Variants in PDE7A observed in about 807,000 individuals in gnomAD.
PDE7A encodes the protein phosphodiesterase 7A.
PDE7A carries 39 observed loss-of-function variants against 64.3 expected under a neutral mutation model. The observed-to-expected ratio is 0.61, with a 90% CI of 0.47 to 0.79. The LOEUF is 0.79. PDE7A is among the 30% of genes least tolerant of loss of function. PDE7A has a pLI of 0.00. For missense variants in PDE7A, 470 were observed against 582.8 expected, an observed-to-expected ratio of 0.81 and a Z score of 1.99; for synonymous variants, 203 against 206.8, an observed-to-expected ratio of 0.98 and a Z score of 0.16.
chr8:65,841,535 G>T lies in PDE7A; in HGVS notation c.-27C>A. ...GAATACGCCCGCCCTGCCTCCGCGC[G>T]GCGCCCGCCCTGCCGCGGCCGCCGG... On this transcript the variant is annotated 5_prime_UTR_variant, in exon 1 of 13. Transcript: ENST00000401827. The T allele has an allele frequency of 1.4e-6, 2 of 1,423,704 alleles. No individual in the cohort carries two copies. Among genetic ancestry groups the T allele is most frequent in the Non-Finnish European group, 1.8e-6 (2 of 1,089,448 alleles). 88.2% of individuals were successfully genotyped at this position (1,423,704 alleles called of 1,614,324 possible).
intron 9 of PDE7A, chr8:65,725,710 C>T (rs968513740): frequency 2.0e-5 from 3 of 152,016 alleles, no homozygotes; most frequent in African/African-American, 4.8e-5. Flanking sequence ...TTAAAACAAA[C>T]CCTAAATGAA....
chr8:65,816,354 T>G (rs969192890), intron 1 of PDE7A, among the ~76,000 whole-genome samples: 1 of 152,208 alleles, frequency 6.6e-6, no homozygotes. Context: ...AATTTGTTTT[T>G]TAGATAGAAT....
chr8:65,748,900 G>C (rs1807806395), intron 3 of PDE7A, among the ~76,000 whole-genome samples: 1 of 152,200 alleles, frequency 6.6e-6, no homozygotes, highest in Non-Finnish European at 1.5e-5. Context: ...TTGCAGGTAT[G>C]CTACTAGTAA....
At position 65,718,119 on chromosome 8, in the gene PDE7A, T is replaced by C. The variant is rs2129062577; in HGVS notation, c.*1171A>G. On this transcript the variant is annotated 3_prime_UTR_variant, in exon 13 of 13. Coordinates refer to ENST00000401827, the MANE Select transcript of PDE7A (RefSeq NM_001242318.3). The stretch of plus-strand genomic sequence containing the variant: ...TGGTCACTTAGCTATGTGCATAGTT[T>C]AAGGCAACTGGAGCAATCTGTTACA... 6.6e-6 allele frequency: 1 copy of C among 152,374 alleles called. No homozygotes were observed. The highest frequency in any genetic ancestry group is 1.5e-5 in the Non-Finnish European group (1 of 68,036). 9.4% of individuals were successfully genotyped at this position (152,374 alleles called of 1,614,324 possible). A position where few individuals can be genotyped will look rare whatever the true frequency, so the allele number is the denominator to read the frequency against.
intron 3 of PDE7A, among the ~76,000 whole-genome samples, chr8:65,767,325 T>C (rs768763073): frequency 2.6e-5 from 4 of 152,232 alleles, no homozygotes; most frequent in Admixed American, 6.5e-5. Flanking sequence ...GACCAGAGAC[T>C]GTGCTTTCTG....
chr8:65,831,768 T>C (rs1407022510), intron 1 of PDE7A, among the ~76,000 whole-genome samples: 1 of 152,182 alleles, frequency 6.6e-6, no homozygotes, highest in Non-Finnish European at 1.5e-5. Flanking sequence ...GTTGAGAATT[T>C]ATAAACTCAT....
In PDE7A at chr8:65,720,501, C is replaced by A. The variant is rs1806329110; in HGVS notation, c.1244-1006G>T. 1.9e-5 allele frequency: 3 copies of A among 154,168 alleles called. No individual in the cohort carries two copies. In the Admixed American group the frequency reaches 2.0e-4, roughly 10 times the overall value. 9.6% of individuals were successfully genotyped at this position (154,168 alleles called of 1,614,324 possible). Reference sequence around the variant, plus strand: ...CCAGAATTAAAGCAACCAGCATCCACTACTTTTAATCAGGAAAGTTATATA... The same window carrying A: ...CCAGAATTAAAGCAACCAGCATCCAATACTTTTAATCAGGAAAGTTATATA... On this transcript the variant is annotated intron_variant, in intron 12 of 12. Transcript: ENST00000401827.
chr8:65,724,978 AT>A (rs3833687), intron 9 of PDE7A, 57 bp from the exon 10 acceptor site: 16,257 of 1,168,748 alleles, frequency 0.014, 152 homozygotes, highest in East Asian at 0.027. Context: ...CTATTTATTG[AT>A]TTTTTTTCTT....
At chr8:65,822,741 G>A (rs942225156) in intron 1 of PDE7A, among the ~76,000 whole-genome samples, 1 of 152,134 alleles carries the variant, frequency 6.6e-6, no homozygotes, top group African/African-American at 2.4e-5. Flanking sequence ...AGCAAAGAAA[G>A]TTATAGATAC....
intron 5 of PDE7A, among the ~76,000 whole-genome samples, chr8:65,742,367 T>TCA (rs1807480202): frequency 6.6e-6 from 1 of 152,182 alleles, no homozygotes; most frequent in African/African-American, 2.4e-5. Context: ...CTATGTCGCA[T>TCA]CACTTAACTC....
intron 1 of PDE7A, among the ~76,000 whole-genome samples, chr8:65,797,828 G>A (rs77311872): frequency 0.063 from 9,565 of 151,570 alleles, 380 homozygotes; most frequent in Middle Eastern, 0.11. Context: ...TTTAAAATGA[G>A]TCTAACAATC....
rs533397994 is a variant in PDE7A at position 65,731,027 on chromosome 8, T to C, written c.697-3726A>G. Among the ~76,000 whole-genome samples, 132 of 152,332 alleles carry C rather than the reference T, an allele frequency of 8.7e-4. 1 individual carries two copies. Among genetic ancestry groups the C allele is most frequent in the African/African-American group, 3.0e-3 (126 of 41,576 alleles). On this transcript the variant is annotated intron_variant, in intron 7 of 12. Coordinates refer to ENST00000401827, the MANE Select transcript of PDE7A (RefSeq NM_001242318.3). ...CAATATCATTCATTAACAGCTCATA[T>C]TGACCAAGTACCTACCATGTGCTGG...
chr8:65,747,334 A>G (rs1047538643), intron 4 of PDE7A, among the ~76,000 whole-genome samples: 13 of 152,238 alleles, frequency 8.5e-5, no homozygotes, highest in East Asian at 5.8e-4. Flanking sequence ...TGATTAGATC[A>G]GGTAATCTCT....
chr8:65,787,783 G>GC (rs1349618399), intron 1 of PDE7A, among the ~76,000 whole-genome samples: 5 of 150,396 alleles, frequency 3.3e-5, no homozygotes, highest in South Asian at 2.1e-4. Flanking sequence ...TCTCTACAGG[G>GC]GGGGGAAAAA....
intron 3 of PDE7A, among the ~76,000 whole-genome samples, chr8:65,756,893 T>A (rs532692570): frequency 6.6e-6 from 1 of 152,248 alleles, no homozygotes; most frequent in East Asian, 1.9e-4. Flanking sequence ...CCTCCAGGAT[T>A]GTTTATTTTT....
At chr8:65,767,311 G>C (rs1281649952) in intron 3 of PDE7A, among the ~76,000 whole-genome samples, 1 of 152,186 alleles carries the variant, frequency 6.6e-6, no homozygotes, top group Non-Finnish European at 1.5e-5. Flanking sequence ...ATTTCCAACT[G>C]CATGACCAGA....
At chr8:65,824,415 GTT>G in intron 1 of PDE7A, among the ~76,000 whole-genome samples, 1 of 152,282 alleles carries the variant, frequency 6.6e-6, no homozygotes, top group Non-Finnish European at 1.5e-5. Context: ...AATTCAGGAT[GTT>G]ACATAAACTT....
At chr8:65,720,474 C>CA (rs1315816228) in intron 12 of PDE7A, 2 of 154,258 alleles carry the variant, frequency 1.3e-5, no homozygotes, top group African/African-American at 4.8e-5. Flanking sequence ...ATAAGAATCT[C>CA]ACCAGAATTA....
chr8:65,828,077 A>G (rs995404360), intron 1 of PDE7A, among the ~76,000 whole-genome samples: 1 of 152,110 alleles, frequency 6.6e-6, no homozygotes, highest in East Asian at 1.9e-4. Flanking sequence ...TCTAACAGAC[A>G]TGTTACTTTT....
Sources: allele counts gnomAD v4.1 joint callset (sites outside exome capture counted in the v4.1 genomes callset), GRCh38; gene constraint gnomAD v4.1.1; transcripts MANE v1.5; gene names NCBI Gene and HGNC (gene_info 2026-07-23, HGNC 2026-07-21).